The following APIP variants were observed in gnomAD, a reference collection of about 807,000 sequenced individuals.
The protein encoded by APIP is methylthioribulose-1-phosphate dehydratase.
Under a neutral mutation model 32.0 loss-of-function variants are expected in APIP, and 32 were observed. That is an observed-to-expected ratio of 1.00 (90% CI 0.76 to 1.34). APIP has a LOEUF of 1.34. APIP is among the 40% of genes most tolerant of loss of function. The pLI, the probability that APIP is intolerant of heterozygous loss-of-function variation, is 0.00. For missense variants in APIP, 247 were observed against 298.6 expected (o/e 0.83, Z 1.27); for synonymous variants, 92 against 94.8 (o/e 0.97, Z 0.17).
At chr11:34,892,442 A>T (rs1320726448) in intron 2 of APIP, among the ~76,000 whole-genome samples, 2 of 152,238 alleles carry the variant, frequency 1.3e-5, no homozygotes, top group African/African-American at 4.8e-5. Flanking sequence ...TCAGTTAAAA[A>T]ATAATTTAAA....
chr11:34,886,585 T>A (rs1853075257), intron 5 of APIP, among the ~76,000 whole-genome samples: 1 of 152,226 alleles, frequency 6.6e-6, no homozygotes, highest in Non-Finnish European at 1.5e-5. Context: ...CCTTCACATT[T>A]ACTCACCACT....
At position 34,916,333 on chromosome 11, in the gene APIP, G is replaced by A. The variant is rs1324448443; in HGVS notation, c.-49C>T. 4 of 1,603,816 alleles carry A rather than the reference G, an allele frequency of 2.5e-6. No homozygotes were observed. Among genetic ancestry groups the A allele is most frequent in the African/African-American group, 2.7e-5 (2 of 74,686 alleles). On this transcript the variant is annotated 5_prime_UTR_variant, in exon 1 of 7. Transcript: ENST00000395787. ...GCCTCCAATCTCCGCACGGCTTTGC[G>A]CGCGGCGCTTAGCCTGGGATACGGC...
At chr11:34,906,576 G>A (rs1210360197) in intron 1 of APIP, among the ~76,000 whole-genome samples, 4 of 152,182 alleles carry the variant, frequency 2.6e-5, no homozygotes, top group Admixed American at 6.5e-5. Flanking sequence ...ATAGAGGCAC[G>A]ACAGCAATCT....
chr11:34,900,307 T>C (rs1169566685), intron 1 of APIP, among the ~76,000 whole-genome samples: 1 of 151,214 alleles, frequency 6.6e-6, no homozygotes, highest in African/African-American at 2.5e-5. Flanking sequence ...CTATTGAATG[T>C]CCCAATGCTT....
chr11:34,912,586 C>T (rs1014315891), intron 1 of APIP, among the ~76,000 whole-genome samples: 3 of 152,166 alleles, frequency 2.0e-5, no homozygotes, highest in Admixed American at 2.0e-4. Context: ...CAGGCCCACC[C>T]TTAATCTGGA....
Position 34,890,518 on chromosome 11 carries a change from T to C in APIP, c.193A>G (p.Lys65Glu). Reference sequence around the variant, plus strand: ...CATTACCATACCTGAATTCGTTCCTTTTGCACTCCTGAAGGAGCAATGTAG... The same window carrying C: ...CATTACCATACCTGAATTCGTTCCTCTTGCACTCCTGAAGGAGCAATGTAG... ...EIYIAPSGVQKERIQPEDMFV... is the reference protein window; with the variant it reads ...EIYIAPSGVQEERIQPEDMFV... Residue 65 changes from lysine (K) to glutamate (E), a missense_variant, in exon 3 of 7, where the codon AAG becomes GAG. Coordinates refer to ENST00000395787, the MANE Select transcript of APIP (RefSeq NM_015957.4). 3 of 1,610,242 alleles carry C rather than the reference T, an allele frequency of 1.9e-6. No homozygotes were observed. Among genetic ancestry groups the C allele is most frequent in the Non-Finnish European group, 2.5e-6 (3 of 1,178,026 alleles).
At position 34,895,090 on chromosome 11, in the gene APIP, G is replaced by A. The variant is rs1357153244; in HGVS notation, c.78C>T (p.Tyr26=). The stretch of plus-strand genomic sequence containing the variant: ...ACTGTTTGCAAAGTTCTGGGATCAG[G>A]TATCTTGGATGCTCCTTGTCCTTAA... ...CGAQDKEHPR[Y]LIPELCKQFY... is the part of the protein sequence containing the mutation. The change falls in exon 2 of 7, where the codon TAC becomes TAT. Residue 26 remains tyrosine (Y), a synonymous_variant. Transcript: ENST00000395787. The A allele has an allele frequency of 6.2e-7, 1 of 1,613,908 alleles. No homozygotes were observed. Among genetic ancestry groups the A allele is most frequent in the Non-Finnish European group, 8.5e-7 (1 of 1,179,874 alleles).
intron 1 of APIP, among the ~76,000 whole-genome samples, chr11:34,911,188 G>A (rs1020215881): frequency 2.6e-5 from 4 of 152,106 alleles, no homozygotes; most frequent in Non-Finnish European, 5.9e-5. Context: ...ATGGGAATGG[G>A]ATGTTAGAGT....
intron 2 of APIP, among the ~76,000 whole-genome samples, chr11:34,893,431 A>G (rs961224548): frequency 6.6e-6 from 1 of 152,228 alleles, no homozygotes; most frequent in Non-Finnish European, 1.5e-5. Flanking sequence ...TATAAATAAT[A>G]CAGTTGGGAA....
intron 1 of APIP, among the ~76,000 whole-genome samples, chr11:34,906,220 A>T (rs2133920479): frequency 6.6e-6 from 1 of 152,018 alleles, no homozygotes; most frequent in South Asian, 2.1e-4. Context: ...ATTGGAAGGG[A>T]ACTTGTACTA....
At chr11:34,904,611 C>T (rs1433712268) in intron 1 of APIP, among the ~76,000 whole-genome samples, 3 of 152,164 alleles carry the variant, frequency 2.0e-5, no homozygotes, top group Non-Finnish European at 4.4e-5. Flanking sequence ...CAACAGGAAG[C>T]GACTAGCAAA....
chr11:34,888,042 T>C (rs965838565), intron 5 of APIP, among the ~76,000 whole-genome samples: 2 of 152,148 alleles, frequency 1.3e-5, no homozygotes, highest in Non-Finnish European at 2.9e-5. Context: ...TCAAGATTTT[T>C]TTCAGTTTAA....
chr11:34,882,930 T>C, intron 6 of APIP, 114 bp from the exon 7 acceptor site: 1 of 721,466 alleles, frequency 1.4e-6, no homozygotes, highest in Non-Finnish European at 2.2e-6. Flanking sequence ...TAGTATGTAT[T>C]TTCTCTCAAT....
chr11:34,900,730 G>A (rs1048320015), intron 1 of APIP, among the ~76,000 whole-genome samples: 2 of 152,032 alleles, frequency 1.3e-5, no homozygotes, highest in Non-Finnish European at 2.9e-5. Flanking sequence ...ATTCCTACTA[G>A]GAAAGGAAGC....
chr11:34,899,392 G>A (rs1386024532), intron 1 of APIP, among the ~76,000 whole-genome samples: 1 of 152,158 alleles, frequency 6.6e-6, no homozygotes, highest in Non-Finnish European at 1.5e-5. Context: ...CCATCAGCAG[G>A]AAAATGGCCG....
chr11:34,900,878 A>C (rs1264595963), intron 1 of APIP, among the ~76,000 whole-genome samples: 3 of 152,106 alleles, frequency 2.0e-5, no homozygotes, highest in Non-Finnish European at 4.4e-5. Flanking sequence ...TGTCCATGAT[A>C]GACCAAAGAC....
intron 1 of APIP, among the ~76,000 whole-genome samples, chr11:34,906,846 C>T (rs1853467749): frequency 1.3e-5 from 2 of 152,210 alleles, no homozygotes; most frequent in Non-Finnish European, 2.9e-5. Flanking sequence ...AATTGGTTAG[C>T]TCCTTTATTA....
chr11:34,903,149 T>C (rs1197171407), intron 1 of APIP, among the ~76,000 whole-genome samples: 2 of 152,204 alleles, frequency 1.3e-5, no homozygotes, highest in African/African-American at 4.8e-5. Context: ...CTCATCTAAA[T>C]CCAGCCACCT....
At chr11:34,913,702 T>G (rs1018605491) in intron 1 of APIP, among the ~76,000 whole-genome samples, 8 of 152,232 alleles carry the variant, frequency 5.3e-5, no homozygotes, top group African/African-American at 1.9e-4. Context: ...TTGCCGCTGC[T>G]GGCTCTGGTG....
Sources: gnomAD v4.1 joint callset for allele counts (sites outside exome capture counted in the v4.1 genomes callset) on GRCh38, gnomAD v4.1.1 for gene constraint, MANE v1.5 for transcripts, NCBI Gene and HGNC (gene_info 2026-07-23, HGNC 2026-07-21) for gene names.